Variants in STARD5 observed in about 807,000 individuals in gnomAD.
STARD5 encodes the protein stAR-related lipid transfer protein 5.
In STARD5, 26 loss-of-function variants were observed where a neutral mutation model predicts 24.6. That is an observed-to-expected ratio of 1.06 (90% CI 0.77 to 1.47). The LOEUF is 1.47. STARD5 is among the 40% of genes most tolerant of loss of function. The pLI, the probability that STARD5 is intolerant of heterozygous loss-of-function variation, is 0.00. For missense variants in STARD5, 254 were observed against 270.8 expected (o/e 0.94, Z 0.44); for synonymous variants, 101 against 99.7 (o/e 1.01, Z -0.07).
rs1392592269 is a variant in STARD5 at position 81,310,724 on chromosome 15, A to T, written c.*2532T>A. 1 of 152,172 alleles carries T rather than the reference A, an allele frequency of 6.6e-6. No homozygotes were observed. The highest frequency in any genetic ancestry group is 6.5e-5 in the Admixed American group (1 of 15,272). 9.4% of individuals were successfully genotyped at this position (152,172 alleles called of 1,614,324 possible). On this transcript the variant is annotated 3_prime_UTR_variant, in exon 6 of 6. Coordinates refer to ENST00000302824, the MANE Select transcript of STARD5 (RefSeq NM_181900.3). ...AAATCAGGGAATTGTTTTAAGTCTT[A>T]TCAAGCAGCCAAGGGATGAAAGAGA... is the stretch of plus-strand genomic sequence containing the variant.
intron 4 of STARD5, among the ~76,000 whole-genome samples, chr15:81,318,718 A>C (rs1901134211): frequency 6.6e-6 from 1 of 152,136 alleles, no homozygotes; most frequent in South Asian, 2.1e-4. Context: ...AAACTCACAC[A>C]CAGACACACA....
At position 81,313,172 on chromosome 15, in the gene STARD5, C is replaced by A. The variant is rs539214117; in HGVS notation, c.*84G>T. 3.5e-6 allele frequency: 5 copies of A among 1,420,264 alleles called. No homozygotes were observed. In the East Asian group the frequency reaches 8.0e-5, roughly 23 times the overall value. 88.0% of individuals were successfully genotyped at this position (1,420,264 alleles called of 1,614,324 possible). A position where few individuals can be genotyped will look rare whatever the true frequency, so the allele number is the denominator to read the frequency against. On this transcript the variant is annotated 3_prime_UTR_variant, in exon 6 of 6. Transcript: ENST00000302824. ...TCCAAAGAGTGAACACAGGCCTCTGCGTGCTCCCAGGCTCCTTGGTGTCCC... is the reference window on the plus strand; with the variant it reads ...TCCAAAGAGTGAACACAGGCCTCTGAGTGCTCCCAGGCTCCTTGGTGTCCC...
In STARD5 at chr15:81,313,237, C is replaced by A; in HGVS notation, c.*19G>T. 1 of 1,527,480 alleles carries A rather than the reference C, an allele frequency of 6.5e-7. No homozygotes were observed. Among genetic ancestry groups the A allele is most frequent in the Non-Finnish European group, 8.8e-7 (1 of 1,133,160 alleles). 94.6% of individuals were successfully genotyped at this position (1,527,480 alleles called of 1,614,324 possible). ...CTCGATGAGTCACGGGAGTTCTTTG[C>A]CAAGAAGTAACGATAGCATTACTCA... On this transcript the variant is annotated 3_prime_UTR_variant, in exon 6 of 6. Coordinates refer to ENST00000302824, the MANE Select transcript of STARD5 (RefSeq NM_181900.3).
chr15:81,318,763 T>C lies in STARD5; in HGVS notation c.401-261A>G, dbSNP rs192978591. On this transcript the variant is annotated intron_variant, in intron 4 of 5. Transcript: ENST00000302824. Reference sequence around the variant, plus strand: ...ACTCACACACACTCACTCATCCACATTCACACATAAACATGCACATAGCTT... The same window carrying C: ...ACTCACACACACTCACTCATCCACACTCACACATAAACATGCACATAGCTT... Among the ~76,000 whole-genome samples, 331 of 152,204 alleles carry C rather than the reference T, an allele frequency of 2.2e-3. 2 individuals are homozygous for C. Among genetic ancestry groups the C allele is most frequent in the African/African-American group, 7.4e-3 (309 of 41,528 alleles).
rs750812157 is a variant in STARD5, at chr15:81,318,392, C to T, written c.494+17G>A. 5 of 1,611,046 alleles carry T rather than the reference C, an allele frequency of 3.1e-6. No homozygotes were observed. Among genetic ancestry groups the T allele is most frequent in the Non-Finnish European group, 4.2e-6 (5 of 1,177,422 alleles). ...TAGGTCTGAGCCATGTACCTCAATG[C>T]AGGAAATTATCCTTACCCTGGAAGA... On this transcript the variant is annotated intron_variant, in intron 5 of 5. Transcript: ENST00000302824.
chr15:81,319,294 T>G, intron 4 of STARD5, 45 bp downstream of exon 4: 1 of 1,528,866 alleles, frequency 6.5e-7, no homozygotes, highest in Non-Finnish European at 9.1e-7. Context: ...AAGAGAAAGC[T>G]CGATATCGCA....
Position 81,311,925 on chromosome 15 carries a change from G to A in STARD5, c.*1331C>T, listed in dbSNP as rs1900877003. ...ACTGAGCTGTCATGTTTTAAAGCTT[G>A]CTCACATCTTGGCACATTTAAGAGA... On this transcript the variant is annotated 3_prime_UTR_variant, in exon 6 of 6. Coordinates refer to ENST00000302824, the MANE Select transcript of STARD5 (RefSeq NM_181900.3). The A allele has an allele frequency of 6.6e-6, 1 of 152,176 alleles. No homozygotes were observed. Among genetic ancestry groups the A allele is most frequent in the Non-Finnish European group, 1.5e-5 (1 of 68,038 alleles). The allele number at this position is 152,176 out of a possible 1,614,324, so 9.4% of individuals were successfully genotyped here.
chr15:81,313,701 C>T (rs1900989814), intron 5 of STARD5: 2 of 220,322 alleles, frequency 9.1e-6, no homozygotes, highest in Non-Finnish European at 1.8e-5. Context: ...CAAATGCTTT[C>T]AGAGAACTCA....
chr15:81,322,769 G>C, intron 2 of STARD5, 130 bp downstream of exon 2: 2 of 1,381,612 alleles, frequency 1.4e-6, no homozygotes, highest in South Asian at 2.5e-5. Context: ...ATTAAAAACA[G>C]TAAGGCTTTT....
intron 1 of STARD5, 118 bp downstream of exon 1, chr15:81,323,883 G>T: frequency 4.9e-6 from 5 of 1,022,860 alleles, no homozygotes; most frequent in South Asian, 1.4e-5. Context: ...CCTCTCAATC[G>T]GGTCCAGGGG....
chr15:81,316,303 C>T (rs911180079), intron 5 of STARD5, among the ~76,000 whole-genome samples: 11 of 152,318 alleles, frequency 7.2e-5, no homozygotes, highest in East Asian at 1.9e-4. Flanking sequence ...AGCACATCCA[C>T]GAGATAGAAC....
intron 5 of STARD5, among the ~76,000 whole-genome samples, chr15:81,316,926 C>T (rs28708860): frequency 0.25 from 38,238 of 152,008 alleles, 5,394 homozygotes; most frequent in South Asian, 0.41. Context: ...GGGCCAGGCG[C>T]GGTGACTCAC....
intron 5 of STARD5, among the ~76,000 whole-genome samples, chr15:81,316,032 T>C (rs1439365921): frequency 6.6e-6 from 1 of 152,146 alleles, no homozygotes; most frequent in Non-Finnish European, 1.5e-5. Flanking sequence ...GCCTCTCCTC[T>C]TGCTAACACA....
In STARD5 at chr15:81,310,984, C is replaced by T. The variant is rs967205607; in HGVS notation, c.*2272G>A. ...TCCTCCCCAAGGAGACACAACAACT[C>T]CTAGGGCCACTGAAGATATAACTAT... On this transcript the variant is annotated 3_prime_UTR_variant, in exon 6 of 6. Transcript: ENST00000302824. 6.6e-6 allele frequency: 1 copy of T among 152,236 alleles called. No individual in the cohort carries two copies. The highest frequency in any genetic ancestry group is 2.4e-5 in the African/African-American group (1 of 41,456). 9.4% of individuals were successfully genotyped at this position (152,236 alleles called of 1,614,324 possible).
rs189255674 is a variant in STARD5 at position 81,319,016 on chromosome 15, G to A, written c.400+323C>T. 1.2e-3 allele frequency among the ~76,000 whole-genome samples: 188 copies of A among 152,058 alleles called. 1 individual carries two copies. Among genetic ancestry groups the A allele is most frequent in the African/African-American group, 4.3e-3 (179 of 41,456 alleles). On this transcript the variant is annotated intron_variant, in intron 4 of 5. Coordinates refer to ENST00000302824, the MANE Select transcript of STARD5 (RefSeq NM_181900.3). ...AGCATCCAAACCCTCAAGAAGACACGGCCATAGATTTTGCACACAAGTTTT... is the reference window on the plus strand; with the variant it reads ...AGCATCCAAACCCTCAAGAAGACACAGCCATAGATTTTGCACACAAGTTTT...
intron 3 of STARD5, among the ~76,000 whole-genome samples, chr15:81,319,741 C>G (rs35304151): frequency 0.13 from 19,402 of 152,264 alleles, 1,849 homozygotes; most frequent in South Asian, 0.36. Flanking sequence ...ATTTATTGAG[C>G]ACCTAGTAAG....
Position 81,322,942 on chromosome 15 carries a change from C to T in STARD5, c.106G>A (p.Val36Ile). 1.2e-6 allele frequency: 2 copies of T among 1,614,108 alleles called. No homozygotes were observed. The highest frequency in any genetic ancestry group is 1.7e-6 in the Non-Finnish European group (2 of 1,180,038). ...ACAGATGGCCTCCAGGAAACTGAAA[C>T]TCCATTCTGTCAAAAGGCACAGAAC... Reference protein sequence around the residue: ...GWKICREGNGVSVSWRPSVEF... With the variant: ...GWKICREGNGISVSWRPSVEF... The change falls in exon 2 of 6, where the codon GTT becomes ATT. Residue 36 changes from valine (V) to isoleucine (I), a missense_variant. By Grantham distance (29) the Val-to-Ile change is conservative. Coordinates refer to ENST00000302824, the MANE Select transcript of STARD5 (RefSeq NM_181900.3).
At chr15:81,319,255 G>T in intron 4 of STARD5, 84 bp downstream of exon 4, 1 of 1,246,262 alleles carries the variant, frequency 8.0e-7, no homozygotes, top group Middle Eastern at 1.9e-4. Flanking sequence ...CTGGTTGCTT[G>T]GCTTTCCTTA....
intron 3 of STARD5, 57 bp from the exon 4 acceptor site, chr15:81,319,513 T>A (rs759753371): frequency 2.4e-5 from 35 of 1,440,262 alleles, no homozygotes; most frequent in Non-Finnish European, 3.4e-5. Flanking sequence ...TTCTCCCAAC[T>A]CCCACCCCAT....
Sources: gnomAD v4.1 joint callset for allele counts (sites outside exome capture counted in the v4.1 genomes callset) on GRCh38, gnomAD v4.1.1 for gene constraint, MANE v1.5 for transcripts, NCBI Gene and HGNC (gene_info 2026-07-23, HGNC 2026-07-21) for gene names.